CSMD1: variants seen among roughly 807,000 people sequenced by gnomAD.
CSMD1 encodes the protein CUB and sushi domain-containing protein 1.
Under a neutral mutation model 417.5 loss-of-function variants are expected in CSMD1, and 213 were observed. That is an observed-to-expected ratio of 0.51 (90% CI 0.46 to 0.57). The LOEUF (loss-of-function observed/expected upper bound fraction) is 0.57, where lower values mean the gene tolerates loss of function less well. Among genes scored for constraint, CSMD1 ranks in the 20% least tolerant of loss-of-function variants. The pLI, the probability that CSMD1 is intolerant of heterozygous loss-of-function variation, is 0.00. For missense variants in CSMD1, 6,923 were observed against 4,529.7 expected (o/e 1.53, Z -15.17); for synonymous variants, 2,862 against 1,736.8 (o/e 1.65, Z -16.11).
intron 52 of CSMD1, among the ~76,000 whole-genome samples, chr8:3,005,433 T>C (rs1389256550): frequency 6.6e-6 from 1 of 152,294 alleles, no homozygotes; most frequent in South Asian, 2.1e-4. Flanking sequence ...GAGGCCAGCA[T>C]CATCCTGATA....
intron 3 of CSMD1, among the ~76,000 whole-genome samples, chr8:4,209,818 T>A (rs1223280928): frequency 1.3e-5 from 2 of 152,202 alleles, no homozygotes; most frequent in South Asian, 2.1e-4. Context: ...CATATTTATA[T>A]CCACTTTCAA....
chr8:3,864,846 C>A (rs1400314140), intron 5 of CSMD1, among the ~76,000 whole-genome samples: 2 of 152,072 alleles, frequency 1.3e-5, no homozygotes, highest in East Asian at 1.9e-4. Flanking sequence ...AGACATTTTC[C>A]TAGTTTTGGC....
chr8:3,398,236 G>A (rs1389582075), intron 16 of CSMD1, among the ~76,000 whole-genome samples: 1 of 152,174 alleles, frequency 6.6e-6, no homozygotes. Context: ...ATACCAGTAA[G>A]TGGAGAAATT....
At chr8:4,021,169 G>A (rs137940614) in intron 4 of CSMD1, among the ~76,000 whole-genome samples, 124 of 152,296 alleles carry the variant, frequency 8.1e-4, no homozygotes, top group Non-Finnish European at 1.1e-3. Flanking sequence ...GTGAAATGTG[G>A]CTAGTCAGCA....
chr8:4,528,893 T>C (rs987934370), intron 2 of CSMD1, among the ~76,000 whole-genome samples: 1 of 152,192 alleles, frequency 6.6e-6, no homozygotes. Flanking sequence ...AAGCTTTCCA[T>C]GTTTGAGACG....
chr8:4,569,238 T>C (rs1323414446), intron 2 of CSMD1, among the ~76,000 whole-genome samples: 2 of 152,218 alleles, frequency 1.3e-5, no homozygotes, highest in Non-Finnish European at 2.9e-5. Context: ...TCCTGAATGG[T>C]ATTGCCTAGG....
At chr8:4,390,644 G>C (rs915796659) in intron 3 of CSMD1, among the ~76,000 whole-genome samples, 6 of 152,018 alleles carry the variant, frequency 3.9e-5, no homozygotes, top group African/African-American at 9.7e-5. Context: ...CTCCCAAGGA[G>C]CTGGGACGAC....
intron 1 of CSMD1, among the ~76,000 whole-genome samples, chr8:4,671,621 GCA>G (rs1017876413): frequency 6.6e-6 from 1 of 152,150 alleles, no homozygotes; most frequent in African/African-American, 2.4e-5. Flanking sequence ...TCCTCTCTCA[GCA>G]CAGAGAGCTT....
chr8:3,584,578 T>C (rs975799775), intron 9 of CSMD1, among the ~76,000 whole-genome samples: 1 of 152,112 alleles, frequency 6.6e-6, no homozygotes, highest in Non-Finnish European at 1.5e-5. Flanking sequence ...AGAAAGGGCT[T>C]TGAGTTTAAG....
intron 3 of CSMD1, among the ~76,000 whole-genome samples, chr8:4,050,340 C>A (rs7815304): frequency 0.038 from 5,813 of 152,224 alleles, 347 homozygotes; most frequent in African/African-American, 0.12. Context: ...ATACACAGAG[C>A]ACCCACTAAA....
chr8:3,321,885 C>A (rs1285729644), intron 23 of CSMD1, among the ~76,000 whole-genome samples: 1 of 152,140 alleles, frequency 6.6e-6, no homozygotes, highest in Non-Finnish European at 1.5e-5. Context: ...AAAAATAGCA[C>A]TCAACCAGAA....
At chr8:4,816,743 T>C (rs184962044) in intron 1 of CSMD1, among the ~76,000 whole-genome samples, 1 of 152,234 alleles carries the variant, frequency 6.6e-6, no homozygotes, top group East Asian at 1.9e-4. Flanking sequence ...ACTAGGAGGC[T>C]GTTGCAGGAC....
chr8:4,453,814 CTTTTTTTTT>C (rs60422486), intron 2 of CSMD1, among the ~76,000 whole-genome samples: 50 of 67,748 alleles, frequency 7.4e-4, no homozygotes, highest in Non-Finnish European at 3.7e-4. Context: ...CAATTCGTTT[CTTTTTTTTT>C]TTTTTTTTTT....
chr8:3,403,721 T>G (rs1276925230), intron 15 of CSMD1, among the ~76,000 whole-genome samples: 5 of 152,172 alleles, frequency 3.3e-5, no homozygotes, highest in Admixed American at 6.5e-5. Context: ...TGCTTCCAAG[T>G]CAGTGAAATA....
intron 5 of CSMD1, among the ~76,000 whole-genome samples, chr8:3,858,054 G>C (rs1804438100): frequency 1.3e-5 from 2 of 152,200 alleles, no homozygotes; most frequent in African/African-American, 4.8e-5. Flanking sequence ...TGTGTTGATG[G>C]TTGTGTCTGT....
chr8:3,214,654 T>G lies in CSMD1; in HGVS notation c.4710A>C (p.Ile1570=), dbSNP rs1475269766. The G allele has an allele frequency of 6.4e-7, 1 of 1,551,938 alleles. No individual in the cohort carries two copies. The highest frequency in any genetic ancestry group is 8.7e-7 in the Non-Finnish European group (1 of 1,147,142). ...CTGTTCCAACTCTTGTCCCATTCAT[T>G]ATATTTCCTGGGTCAAAACAAGCTT... ...PREACFDPGN[I]MNGTRVGTDF... The change falls in exon 30 of 70, where the codon ATA becomes ATC. Residue 1570 remains isoleucine (I), a synonymous_variant. Coordinates refer to ENST00000635120, the MANE Select transcript of CSMD1 (RefSeq NM_033225.6).
intron 10 of CSMD1, among the ~76,000 whole-genome samples, chr8:3,551,168 G>A (rs1366942414): frequency 6.6e-6 from 1 of 152,128 alleles, no homozygotes; most frequent in Non-Finnish European, 1.5e-5. Context: ...TGTAGCCTAT[G>A]GCATAGGGCG....
intron 1 of CSMD1, among the ~76,000 whole-genome samples, chr8:4,824,151 C>T (rs1799680244): frequency 1.3e-5 from 2 of 151,370 alleles, no homozygotes; most frequent in East Asian, 3.9e-4. Context: ...TGGGGAAAAA[C>T]AATTGATGCC....
intron 2 of CSMD1, among the ~76,000 whole-genome samples, chr8:4,522,891 A>G (rs536448141): frequency 1.3e-5 from 2 of 152,178 alleles, no homozygotes; most frequent in Non-Finnish European, 2.9e-5. Context: ...GCTTACTTCC[A>G]TAATCCTAAG....
Sources: allele counts gnomAD v4.1 joint callset (sites outside exome capture counted in the v4.1 genomes callset), GRCh38; gene constraint gnomAD v4.1.1; transcripts MANE v1.5; gene names NCBI Gene and HGNC (gene_info 2026-07-23, HGNC 2026-07-21).